Variants in CEMIP2 observed in about 807,000 individuals in gnomAD.
CEMIP2 encodes the protein cell migration inducing hyaluronidase 2, also known as cell surface hyaluronidase CEMIP2.
In CEMIP2, 79 loss-of-function variants were observed where a neutral mutation model predicts 146.9. The ratio of observed to expected loss-of-function variants is 0.54; its 90% CI spans 0.45 to 0.65. The LOEUF is 0.65. Ranked by LOEUF, CEMIP2 falls within the 30% of genes least tolerant of loss-of-function variation. The pLI is 0.00. For missense variants in CEMIP2, 1,596 were observed against 1,696.2 expected, an observed-to-expected ratio of 0.94 and a Z score of 1.04; for synonymous variants, 601 against 606.3, an observed-to-expected ratio of 0.99 and a Z score of 0.13.
At chr9:71,717,290 A>G (rs1180114278) in intron 13 of CEMIP2, among the ~76,000 whole-genome samples, 1 of 152,232 alleles carries the variant, frequency 6.6e-6, no homozygotes, top group African/African-American at 2.4e-5. Flanking sequence ...AGACTGTGGT[A>G]TATGATTCTG....
At chr9:71,742,110 A>G (rs909763210) in intron 4 of CEMIP2, among the ~76,000 whole-genome samples, 2 of 152,234 alleles carry the variant, frequency 1.3e-5, no homozygotes, top group Non-Finnish European at 2.9e-5. Context: ...AAAAAAAATA[A>G]CAAATGTAAT....
At chr9:71,693,065 A>G (rs892882712) in intron 21 of CEMIP2, among the ~76,000 whole-genome samples, 2 of 152,226 alleles carry the variant, frequency 1.3e-5, no homozygotes, top group African/African-American at 2.4e-5. Flanking sequence ...ACTTCATGCC[A>G]CTGAACTGCC....
intron 10 of CEMIP2, among the ~76,000 whole-genome samples, chr9:71,728,741 G>T (rs967514481): frequency 6.6e-6 from 1 of 151,968 alleles, no homozygotes; most frequent in South Asian, 2.1e-4. Flanking sequence ...CCTGACCAGA[G>T]TGACAACTGT....
chr9:71,734,832 C>CA lies in CEMIP2; in HGVS notation c.1366dup (p.Cys456LeufsTer19). On this transcript the variant is annotated frameshift_variant, in exon 6 of 24. Coordinates refer to ENST00000377044, the MANE Select transcript of CEMIP2 (RefSeq NM_013390.3). LOFTEE classifies it high-confidence loss of function. ...TTTGACTTTGACCTGAAAATGGCTG[C>CA]ATTCAGAACAGGGAAGAAGAGTGAA... 5 of 1,610,118 alleles carry CA rather than the reference C, an allele frequency of 3.1e-6. No homozygotes were observed. The highest frequency in any genetic ancestry group is 4.2e-6 in the Non-Finnish European group (5 of 1,177,948).
rs369850672 is a variant in CEMIP2, at chr9:71,690,153, C to G, written c.3790G>C (p.Val1264Leu). Residue 1264 changes from valine to leucine, a missense_variant, in exon 22 of 24, where the codon GTT becomes CTT. Physicochemically the swap from Val to Leu is conservative, Grantham distance 32 (BLOSUM62 1). Coordinates refer to ENST00000377044, the MANE Select transcript of CEMIP2 (RefSeq NM_013390.3). ...SVPFRLTEKT[V>L]FPLADVSRIE... ...CGACTGACATCAGCAAGAGGAAAAA[C>G]CGTTTTTTCCGTCAAGCGGAATGGA... 56 of 1,614,048 alleles carry G rather than the reference C, an allele frequency of 3.5e-5. No individual in the cohort carries two copies. The highest frequency in any genetic ancestry group is 4.4e-5 in the Non-Finnish European group (52 of 1,180,038).
At position 71,728,302 on chromosome 9, in the gene CEMIP2, C is replaced by CACGTGTAT. The variant is rs1554684804; in HGVS notation, c.2049+1542_2049+1543insATACACGT. On this transcript the variant is annotated intron_variant, in intron 10 of 23. Transcript: ENST00000377044. ...ATATGTATATATATATATATATATA[C>CACGTGTAT]ATATATATATATATACGTATATATA... Among the ~76,000 whole-genome samples, 5 of 11,578 alleles carry CACGTGTAT rather than the reference C, an allele frequency of 4.3e-4. 2 individuals carry two copies. Among genetic ancestry groups the CACGTGTAT allele is most frequent in the African/African-American group, 1.7e-3 (5 of 2,924 alleles). 7.6% of individuals were successfully genotyped at this position (11,578 alleles called of 152,430 possible). A position where few individuals can be genotyped will look rare whatever the true frequency, so the allele number is the denominator to read the frequency against.
rs933246160 is a variant in CEMIP2, at chr9:71,684,292, A to C, written c.*905T>G. 4 of 152,414 alleles carry C rather than the reference A, an allele frequency of 2.6e-5. No individual in the cohort carries two copies. The highest frequency in any genetic ancestry group is 7.2e-5 in the African/African-American group (3 of 41,456). The allele number at this position is 152,414 out of a possible 1,614,324, so 9.4% of individuals were successfully genotyped here. Reference sequence around the variant, plus strand: ...ACACAAAACAATAACAAAAAACCCAAGTGCAAGAGCAATACCAAGAACAGA... The same window carrying C: ...ACACAAAACAATAACAAAAAACCCACGTGCAAGAGCAATACCAAGAACAGA... On this transcript the variant is annotated 3_prime_UTR_variant, in exon 24 of 24. Coordinates refer to ENST00000377044, the MANE Select transcript of CEMIP2 (RefSeq NM_013390.3).
At chr9:71,728,557 A>C (rs1254986441) in intron 10 of CEMIP2, among the ~76,000 whole-genome samples, 1 of 151,504 alleles carries the variant, frequency 6.6e-6, no homozygotes, top group Non-Finnish European at 1.5e-5. Context: ...TAATAAATAC[A>C]AATTTCTCCA....
intron 11 of CEMIP2, among the ~76,000 whole-genome samples, chr9:71,723,871 C>T (rs1318218488): frequency 2.0e-5 from 3 of 152,156 alleles, no homozygotes; most frequent in African/African-American, 7.2e-5. Flanking sequence ...TCCAAGAATT[C>T]AATCTCCTTT....
chr9:71,726,467 A>C (rs1823389032), intron 10 of CEMIP2, among the ~76,000 whole-genome samples: 1 of 152,252 alleles, frequency 6.6e-6, no homozygotes, highest in Admixed American at 6.5e-5. Flanking sequence ...ACTTAATCAT[A>C]CAGTGTAAAA....
At chr9:71,760,464 G>A (rs1045250627) in intron 1 of CEMIP2, among the ~76,000 whole-genome samples, 5 of 151,778 alleles carry the variant, frequency 3.3e-5, no homozygotes, top group African/African-American at 1.2e-4. Flanking sequence ...CTATGTTTCT[G>A]TCATTTATGC....
intron 1 of CEMIP2, among the ~76,000 whole-genome samples, chr9:71,759,304 T>TA (rs1824555661): frequency 6.6e-6 from 1 of 150,668 alleles, no homozygotes. Flanking sequence ...TCTCCTTCCT[T>TA]AAAGAAAAAA....
At chr9:71,765,302 T>C (rs1824758156) in intron 1 of CEMIP2, among the ~76,000 whole-genome samples, 1 of 151,744 alleles carries the variant, frequency 6.6e-6, no homozygotes, top group Non-Finnish European at 1.5e-5. Context: ...TTAAAAAACT[T>C]TTGAAAGTAC....
intron 17 of CEMIP2, among the ~76,000 whole-genome samples, chr9:71,707,925 G>A (rs750449268): frequency 3.7e-4 from 57 of 152,142 alleles, no homozygotes; most frequent in Non-Finnish European, 6.0e-4. Context: ...GGTGGCTCAC[G>A]CCTGTAATCC....
chr9:71,706,923 G>T (rs1822758899), intron 17 of CEMIP2, among the ~76,000 whole-genome samples: 1 of 152,162 alleles, frequency 6.6e-6, no homozygotes, highest in African/African-American at 2.4e-5. Flanking sequence ...CTGCCCCTGG[G>T]TTCAAGCGAT....
chr9:71,690,904 A>G (rs1822208553), intron 21 of CEMIP2, among the ~76,000 whole-genome samples: 1 of 152,238 alleles, frequency 6.6e-6, no homozygotes, highest in Admixed American at 6.5e-5. Flanking sequence ...GGAACTCCAG[A>G]TATTTCCAAA....
chr9:71,714,793 G>T (rs1250922397), intron 15 of CEMIP2, 141 bp downstream of exon 15: 1 of 752,270 alleles, frequency 1.3e-6, no homozygotes. Flanking sequence ...AGCTGTAGCA[G>T]TAGTAGTAAT....
chr9:71,764,630 C>A (rs529516296), intron 1 of CEMIP2, among the ~76,000 whole-genome samples: 1 of 152,000 alleles, frequency 6.6e-6, no homozygotes, highest in African/African-American at 2.4e-5. Context: ...TTCATTACCC[C>A]CCTCCCCACC....
At chr9:71,702,921 G>A (rs1488712476) in intron 18 of CEMIP2, among the ~76,000 whole-genome samples, 1 of 152,072 alleles carries the variant, frequency 6.6e-6, no homozygotes, top group African/African-American at 2.4e-5. Context: ...TCATTTTATT[G>A]TCATACCTCA....
Sources: gnomAD v4.1 joint callset for allele counts (sites outside exome capture counted in the v4.1 genomes callset) on GRCh38, gnomAD v4.1.1 for gene constraint, MANE v1.5 for transcripts, NCBI Gene and HGNC (gene_info 2026-07-23, HGNC 2026-07-21) for gene names.